Variants in INPP5A observed in about 807,000 individuals in gnomAD.
The protein encoded by INPP5A is 43 kDa inositol polyphosphate 5-phophatase.
INPP5A carries 14 observed loss-of-function variants against 65.2 expected under a neutral mutation model. That is an observed-to-expected ratio of 0.21 (90% confidence interval 0.14 to 0.34). The LOEUF (loss-of-function observed/expected upper bound fraction) is 0.34. Ranked by LOEUF, INPP5A falls within the 10% of genes least tolerant of loss-of-function variation. The pLI, the probability that INPP5A is intolerant of heterozygous loss-of-function variation, is 1.00. For missense variants in INPP5A, 431 were observed against 545.6 expected (o/e 0.79, Z 2.09); for synonymous variants, 207 against 208.3 (o/e 0.99, Z 0.05).
intron 4 of INPP5A, among the ~76,000 whole-genome samples, chr10:132,669,916 CAGCCCTTCT>C (rs2072860619): frequency 6.6e-6 from 1 of 152,014 alleles, no homozygotes; most frequent in Admixed American, 6.6e-5. Context: ...CAGCCCTGCA[CAGCCCTTCT>C]AGCCCTCTCA....
At chr10:132,568,972 A>G in intron 1 of INPP5A, among the ~76,000 whole-genome samples, 1 of 135,220 alleles carries the variant, frequency 7.4e-6, no homozygotes, top group East Asian at 2.3e-4. Flanking sequence ...CTGGAGTGCG[A>G]TGGCACGATC....
At position 132,555,107 on chromosome 10, in the gene INPP5A, G is replaced by A. The variant is rs975250140; in HGVS notation, c.75+16936G>A. Among the ~76,000 whole-genome samples, 3 of 151,870 alleles carry A rather than the reference G, an allele frequency of 2.0e-5. No individual in the cohort carries two copies. The highest frequency in any genetic ancestry group is 4.4e-5 in the Non-Finnish European group (3 of 67,942). The stretch of plus-strand genomic sequence containing the variant: ...CATGGGCAGTGTGGGTGGCATGGCT[G>A]CTGTGGGTGACATAGGTGGTGTGGC... On this transcript the variant is annotated intron_variant, in intron 1 of 15. Coordinates refer to ENST00000368594, the MANE Select transcript of INPP5A (RefSeq NM_005539.5). The surrounding 1 kb of genome is among the most constrained non-coding windows in gnomAD (Gnocchi z 4.4).
intron 1 of INPP5A, among the ~76,000 whole-genome samples, chr10:132,597,183 A>T (rs2071714169): frequency 6.6e-6 from 1 of 152,248 alleles, no homozygotes; most frequent in Non-Finnish European, 1.5e-5. Flanking sequence ...GTGCGTATGC[A>T]CATGCACTTG....
chr10:132,747,107 C>T (rs1412036720), intron 9 of INPP5A, among the ~76,000 whole-genome samples: 1 of 152,292 alleles, frequency 6.6e-6, no homozygotes, highest in East Asian at 1.9e-4. Context: ...TTTCCTGAGC[C>T]GCGTCCTGGG....
intron 4 of INPP5A, among the ~76,000 whole-genome samples, chr10:132,688,018 C>A (rs930999633): frequency 1.2e-4 from 19 of 152,308 alleles, no homozygotes; most frequent in African/African-American, 4.3e-4. Context: ...TGGCCAGCGT[C>A]CCCGGGAGCA....
At chr10:132,683,078 T>C (rs1372466249) in intron 4 of INPP5A, among the ~76,000 whole-genome samples, 1 of 151,144 alleles carries the variant, frequency 6.6e-6, no homozygotes, top group Admixed American at 6.6e-5. Context: ...GTACGCACAT[T>C]TAATCCACGT....
At chr10:132,602,380 C>G (rs2071787116) in intron 1 of INPP5A, among the ~76,000 whole-genome samples, 1 of 152,194 alleles carries the variant, frequency 6.6e-6, no homozygotes, top group South Asian at 2.1e-4. Flanking sequence ...ACTGCAACCT[C>G]TGCCTCTGGA....
intron 2 of INPP5A, among the ~76,000 whole-genome samples, chr10:132,642,161 G>C (rs534054129): frequency 2.0e-5 from 3 of 151,900 alleles, no homozygotes; most frequent in Non-Finnish European, 4.4e-5. Context: ...GGACAGCCTG[G>C]AGCCCGTCTG....
rs1303424894 is a variant in INPP5A at position 132,697,352 on chromosome 10, C to G, written c.371-464C>G. ...CCAAGCAGCCACTGGCAAAGCCCAT[C>G]TGGGAGGCACCCTGCCGCGCGCTGC... On this transcript the variant is annotated intron_variant, in intron 5 of 15. Transcript: ENST00000368594. This position sits in a 1 kb window ranked among gnomAD's most constrained non-coding sequence, Gnocchi z 5.6. Among the ~76,000 whole-genome samples, 1 of 152,272 alleles carries G rather than the reference C, an allele frequency of 6.6e-6. No individual in the cohort carries two copies. The highest frequency in any genetic ancestry group is 1.5e-5 in the Non-Finnish European group (1 of 68,048).
At chr10:132,744,313 TC>T (rs1846328768) in intron 9 of INPP5A, among the ~76,000 whole-genome samples, 1 of 151,972 alleles carries the variant, frequency 6.6e-6, no homozygotes, top group Admixed American at 6.5e-5. Flanking sequence ...ATGTGAGCCA[TC>T]CCCCACCACC....
intron 1 of INPP5A, among the ~76,000 whole-genome samples, chr10:132,596,932 C>T (rs1316993660): frequency 7.8e-6 from 1 of 128,996 alleles, no homozygotes; most frequent in African/African-American, 2.7e-5. Context: ...CGCGCATGTG[C>T]ACGCATGTGT....
At chr10:132,765,489 A>C (rs1846825848) in intron 11 of INPP5A, among the ~76,000 whole-genome samples, 1 of 152,204 alleles carries the variant, frequency 6.6e-6, no homozygotes, top group African/African-American at 2.4e-5. Flanking sequence ...CTGCCACGGC[A>C]GTGCCCGAGG....
At chr10:132,736,536 G>A (rs1388997191) in intron 9 of INPP5A, among the ~76,000 whole-genome samples, 3 of 152,226 alleles carry the variant, frequency 2.0e-5, no homozygotes, top group African/African-American at 4.8e-5. Flanking sequence ...CACCCCGAGA[G>A]CCGGGCTTCC....
intron 13 of INPP5A, among the ~76,000 whole-genome samples, chr10:132,779,711 C>G (rs1447005778): frequency 6.6e-6 from 1 of 152,246 alleles, no homozygotes; most frequent in African/African-American, 2.4e-5. Context: ...CAGTGGGCAG[C>G]GGGTGTGCAG....
At chr10:132,592,666 C>G (rs1020972528) in intron 1 of INPP5A, among the ~76,000 whole-genome samples, 5 of 152,214 alleles carry the variant, frequency 3.3e-5, no homozygotes, top group Admixed American at 2.6e-4. Context: ...CTTGGCTTCC[C>G]AAAGTGCTCG....
chr10:132,588,783 G>T (rs2071579614), intron 1 of INPP5A, among the ~76,000 whole-genome samples: 1 of 152,130 alleles, frequency 6.6e-6, no homozygotes, highest in Non-Finnish European at 1.5e-5. Flanking sequence ...GTTTCTTGGA[G>T]TGTGGGTTGT....
chr10:132,548,614 C>G (rs1477059814), intron 1 of INPP5A, among the ~76,000 whole-genome samples: 1 of 152,174 alleles, frequency 6.6e-6, no homozygotes, highest in Non-Finnish European at 1.5e-5. Context: ...CTCCTCAGTC[C>G]CTGCTCCCGG....
chr10:132,691,417 T>G (rs1418787343), intron 5 of INPP5A, among the ~76,000 whole-genome samples: 1 of 152,336 alleles, frequency 6.6e-6, no homozygotes, highest in East Asian at 1.9e-4. Flanking sequence ...CTGCGTGCTG[T>G]GCGCTCAGGC....
intron 4 of INPP5A, among the ~76,000 whole-genome samples, chr10:132,688,265 C>T (rs962979113): frequency 2.8e-4 from 42 of 152,320 alleles, no homozygotes; most frequent in African/African-American, 8.9e-4. Flanking sequence ...CTGTGCCTGC[C>T]GCCCTGCGCC....
Sources: gnomAD v4.1 joint callset for allele counts (sites outside exome capture counted in the v4.1 genomes callset) on GRCh38, gnomAD v4.1.1 for gene constraint, Gnocchi (gnomAD v3.1) non-coding constraint, MANE v1.5 for transcripts, NCBI Gene and HGNC (gene_info 2026-07-23, HGNC 2026-07-21) for gene names.